Variants in GALNT13 observed in about 807,000 individuals in gnomAD.
GALNT13 encodes UDP-GalNAc:polypeptide N-acetylgalactosaminyltransferase 13.
In GALNT13, 28 loss-of-function variants were observed where a neutral mutation model predicts 64.2. The observed-to-expected ratio is 0.44, with a 90% CI of 0.32 to 0.60. GALNT13 has a LOEUF of 0.60. Ranked by LOEUF, GALNT13 falls within the 20% of genes least tolerant of loss-of-function variation. The pLI, the probability that GALNT13 is intolerant of heterozygous loss-of-function variation, is 0.05. For synonymous variants in GALNT13, 214 were observed against 224.6 expected, an observed-to-expected ratio of 0.95 and a Z score of 0.42; for missense variants, 577 against 669.8, an observed-to-expected ratio of 0.86 and a Z score of 1.53.
intron 9 of GALNT13, among the ~76,000 whole-genome samples, chr2:154,378,901 C>A (rs943284636): frequency 1.3e-5 from 2 of 151,914 alleles, no homozygotes; most frequent in Non-Finnish European, 2.9e-5. Flanking sequence ...GTCATGATGC[C>A]TCTACTTTGG....
the GALNT13 span, among the ~76,000 whole-genome samples, chr2:153,743,819 T>C: frequency 6.6e-6 from 1 of 152,170 alleles, no homozygotes; most frequent in Admixed American, 6.6e-5. Flanking sequence ...TTCCCACCTC[T>C]ACAACACTCC....
At chr2:154,417,018 C>G (rs1048456484) in intron 11 of GALNT13, among the ~76,000 whole-genome samples, 1 of 152,114 alleles carries the variant, frequency 6.6e-6, no homozygotes, top group Non-Finnish European at 1.5e-5. Context: ...CATCTTTCAT[C>G]ACCCCATGCT....
the GALNT13 span, among the ~76,000 whole-genome samples, chr2:153,405,541 C>T: frequency 1.9e-3 from 290 of 152,238 alleles, 2 homozygotes; most frequent in South Asian, 4.4e-3. Context: ...CTATTTTCCA[C>T]GCAATTATCA....
At chr2:153,567,767 C>G in the GALNT13 span, among the ~76,000 whole-genome samples, 76 of 151,192 alleles carry the variant, frequency 5.0e-4, no homozygotes, top group African/African-American at 1.8e-3. Context: ...GTTATGAAAA[C>G]AGGTTATGTA....
chr2:153,403,661 A>G, the GALNT13 span, among the ~76,000 whole-genome samples: 1 of 152,136 alleles, frequency 6.6e-6, no homozygotes, highest in Admixed American at 6.5e-5. Context: ...TCGGAAAAGC[A>G]CAGTATTCGG....
At chr2:154,123,389 C>A (rs182821838) in intron 3 of GALNT13, among the ~76,000 whole-genome samples, 2 of 151,876 alleles carry the variant, frequency 1.3e-5, no homozygotes, top group Non-Finnish European at 2.9e-5. Context: ...TCTAGGGTGA[C>A]CCTCAAATAT....
the GALNT13 span, among the ~76,000 whole-genome samples, chr2:153,504,610 T>G: frequency 2.0e-5 from 3 of 152,244 alleles, no homozygotes; most frequent in East Asian, 5.8e-4. Context: ...CTGGATTTTG[T>G]CAAATGTTAT....
At chr2:153,576,211 C>G in the GALNT13 span, among the ~76,000 whole-genome samples, 3 of 152,100 alleles carry the variant, frequency 2.0e-5, no homozygotes, top group South Asian at 6.2e-4. Context: ...TTGAGCTGTG[C>G]AGCCTGGGAT....
chr2:154,232,898 C>T (rs1688996992), intron 4 of GALNT13, among the ~76,000 whole-genome samples: 1 of 150,230 alleles, frequency 6.7e-6, no homozygotes, highest in African/African-American at 2.4e-5. Context: ...AAAAATAAGT[C>T]GGGAGTGGTG....
At chr2:154,267,762 T>C (rs1691098656) in intron 8 of GALNT13, among the ~76,000 whole-genome samples, 1 of 151,976 alleles carries the variant, frequency 6.6e-6, no homozygotes, top group East Asian at 1.9e-4. Flanking sequence ...TGGATTTGTA[T>C]CTAGAAAAAA....
chr2:154,348,444 G>A (rs903560370), intron 9 of GALNT13, among the ~76,000 whole-genome samples: 12 of 151,946 alleles, frequency 7.9e-5, no homozygotes, highest in Admixed American at 5.2e-4. Flanking sequence ...TTGGTTTTAA[G>A]TATACTTTCT....
intron 4 of GALNT13, among the ~76,000 whole-genome samples, chr2:154,159,204 G>A (rs1684596485): frequency 6.6e-6 from 1 of 151,686 alleles, no homozygotes; most frequent in South Asian, 2.1e-4. Flanking sequence ...GCACTATCTT[G>A]GCTCACAGCA....
the GALNT13 span, among the ~76,000 whole-genome samples, chr2:153,396,729 A>G: frequency 6.6e-6 from 1 of 152,126 alleles, no homozygotes; most frequent in Non-Finnish European, 1.5e-5. Flanking sequence ...TTAAACATGC[A>G]ACTCTTCCTC....
At chr2:153,136,765 A>G in the GALNT13 span, among the ~76,000 whole-genome samples, 6 of 151,964 alleles carry the variant, frequency 3.9e-5, no homozygotes, top group African/African-American at 1.4e-4. Context: ...TCCATTAAGT[A>G]CAGGTCTCCA....
the GALNT13 span, among the ~76,000 whole-genome samples, chr2:153,096,020 T>C: frequency 6.7e-6 from 1 of 149,790 alleles, no homozygotes; most frequent in East Asian, 1.9e-4. Flanking sequence ...ACCCTAGAAC[T>C]TAAAGTATAA....
the GALNT13 span, among the ~76,000 whole-genome samples, chr2:153,680,972 T>C: frequency 3.3e-5 from 5 of 151,998 alleles, no homozygotes; most frequent in African/African-American, 1.2e-4. Flanking sequence ...CCTTATTTTC[T>C]ATCTTCAGGG....
At chr2:154,011,072 T>C (rs1696602364) in intron 3 of GALNT13, among the ~76,000 whole-genome samples, 1 of 152,090 alleles carries the variant, frequency 6.6e-6, no homozygotes. Flanking sequence ...TGACCTTTTG[T>C]ATTTTTTTTC....
the GALNT13 span, among the ~76,000 whole-genome samples, chr2:153,262,669 T>C: frequency 6.6e-6 from 1 of 152,120 alleles, no homozygotes; most frequent in African/African-American, 2.4e-5. Flanking sequence ...ATAAACATAA[T>C]TTATCACACA....
chr2:153,423,815 C>T, the GALNT13 span, among the ~76,000 whole-genome samples: 2 of 151,434 alleles, frequency 1.3e-5, no homozygotes, highest in African/African-American at 2.4e-5. Flanking sequence ...ATAAGACTTA[C>T]TATAACAAAT....
Sources: allele counts gnomAD v4.1 joint callset (sites outside exome capture counted in the v4.1 genomes callset), GRCh38; gene constraint gnomAD v4.1.1; transcripts MANE v1.5; gene names NCBI Gene and HGNC (gene_info 2026-07-23, HGNC 2026-07-21).